Variants in KHDRBS2 observed in about 807,000 individuals in gnomAD.
KHDRBS2 encodes the protein KH domain-containing, RNA-binding, signal transduction-associated protein 2.
A neutral mutation model predicts 44.3 loss-of-function variants in KHDRBS2; 26 were observed. The observed-to-expected ratio is 0.59, with a 90% CI of 0.43 to 0.81. The LOEUF is 0.81. KHDRBS2 is among the 40% of genes least tolerant of loss of function. The pLI, the probability that KHDRBS2 is intolerant of heterozygous loss-of-function variation, is 0.00. For synonymous variants in KHDRBS2, 194 were observed against 151.1 expected (o/e 1.28, Z -2.08); for missense variants, 476 against 433.1 (o/e 1.10, Z -0.88).
At chr6:61,888,562 T>A (rs1014986660) in intron 6 of KHDRBS2, among the ~76,000 whole-genome samples, 20 of 3,802 alleles carry the variant, frequency 5.3e-3, no homozygotes, top group Non-Finnish European at 0.011. Flanking sequence ...TTCTAATTCC[T>A]TTTTTTTTTT....
At chr6:61,902,360 G>GTTGT (rs572498517) in intron 4 of KHDRBS2, among the ~76,000 whole-genome samples, 210 of 152,258 alleles carry the variant, frequency 1.4e-3, no homozygotes, top group African/African-American at 4.7e-3. Context: ...CAGAGATTCA[G>GTTGT]TCAAAGTCAA....
intron 2 of KHDRBS2, among the ~76,000 whole-genome samples, chr6:62,135,972 A>T (rs1811433642): frequency 6.6e-6 from 1 of 152,020 alleles, no homozygotes. Flanking sequence ...AAATTTAGAG[A>T]TCTAAGGTAT....
At chr6:61,758,722 C>T (rs1684515083) in intron 6 of KHDRBS2, among the ~76,000 whole-genome samples, 1 of 151,894 alleles carries the variant, frequency 6.6e-6, no homozygotes, top group South Asian at 2.1e-4. Flanking sequence ...AAGCAAAATC[C>T]TAATCAACCT....
At chr6:61,724,592 G>A (rs543754772) in intron 7 of KHDRBS2, among the ~76,000 whole-genome samples, 16 of 152,210 alleles carry the variant, frequency 1.1e-4, no homozygotes, top group South Asian at 8.3e-4. Context: ...ACACACATAG[G>A]CTCAAAATAA....
chr6:62,209,103 C>G (rs1828567995), intron 1 of KHDRBS2, among the ~76,000 whole-genome samples: 1 of 152,110 alleles, frequency 6.6e-6, no homozygotes, highest in Admixed American at 6.5e-5. Flanking sequence ...AGCCACATAT[C>G]TGATAAAGGT....
At chr6:61,795,866 A>G (rs1161950044) in intron 6 of KHDRBS2, among the ~76,000 whole-genome samples, 1 of 152,164 alleles carries the variant, frequency 6.6e-6, no homozygotes, top group Non-Finnish European at 1.5e-5. Context: ...CTGAAATAAT[A>G]AGAGTTATAT....
chr6:61,775,514 C>T (rs1781807261), intron 6 of KHDRBS2, among the ~76,000 whole-genome samples: 1 of 151,952 alleles, frequency 6.6e-6, no homozygotes, highest in African/African-American at 2.4e-5. Context: ...AAACAGAGAG[C>T]CAAATCATGA....
the KHDRBS2 span, among the ~76,000 whole-genome samples, chr6:61,585,028 C>T: frequency 6.6e-6 from 1 of 151,594 alleles, no homozygotes; most frequent in Non-Finnish European, 1.5e-5. Flanking sequence ...TTCTTGTATT[C>T]CTTTCATGGA....
the KHDRBS2 span, among the ~76,000 whole-genome samples, chr6:61,559,697 T>C: frequency 6.6e-5 from 10 of 152,158 alleles, no homozygotes; most frequent in Non-Finnish European, 1.3e-4. Flanking sequence ...AATAGACAAC[T>C]TATAAAAACT....
At chr6:61,577,677 C>T in the KHDRBS2 span, among the ~76,000 whole-genome samples, 1 of 152,026 alleles carries the variant, frequency 6.6e-6, no homozygotes, top group South Asian at 2.1e-4. Flanking sequence ...ATACTAATAA[C>T]TGAAATGTTC....
chr6:61,834,139 T>G (rs1348412012), intron 6 of KHDRBS2, among the ~76,000 whole-genome samples: 1 of 152,036 alleles, frequency 6.6e-6, no homozygotes. Flanking sequence ...GTTTTACTCT[T>G]TAAATCATAC....
chr6:61,714,774 T>C (rs1401822621), intron 7 of KHDRBS2, among the ~76,000 whole-genome samples: 1 of 151,892 alleles, frequency 6.6e-6, no homozygotes, highest in South Asian at 2.1e-4. Context: ...GAGGCTACTA[T>C]CTTAAGTGAA....
At chr6:61,713,255 C>T (rs943326028) in intron 7 of KHDRBS2, among the ~76,000 whole-genome samples, 2 of 151,490 alleles carry the variant, frequency 1.3e-5, no homozygotes, top group Admixed American at 6.6e-5. Context: ...GTTTCTAGCA[C>T]CTAGCAAAAT....
At chr6:62,042,687 T>C (rs1441688775) in intron 3 of KHDRBS2, among the ~76,000 whole-genome samples, 1 of 152,090 alleles carries the variant, frequency 6.6e-6, no homozygotes, top group East Asian at 1.9e-4. Context: ...CCACATCTCT[T>C]TGAAGGTTTT....
At chr6:61,957,782 T>C (rs1280242212) in intron 4 of KHDRBS2, among the ~76,000 whole-genome samples, 1 of 152,176 alleles carries the variant, frequency 6.6e-6, no homozygotes, top group Non-Finnish European at 1.5e-5. Flanking sequence ...TTGTGAGACA[T>C]GTGATCTCTG....
At chr6:61,831,591 C>T (rs914515125) in intron 6 of KHDRBS2, among the ~76,000 whole-genome samples, 2 of 151,964 alleles carry the variant, frequency 1.3e-5, no homozygotes, top group East Asian at 3.9e-4. Context: ...CATAGTATAA[C>T]CCAATTAAAA....
intron 1 of KHDRBS2, among the ~76,000 whole-genome samples, chr6:62,247,568 C>T (rs1416902947): frequency 6.6e-6 from 1 of 151,876 alleles, no homozygotes; most frequent in Non-Finnish European, 1.5e-5. Flanking sequence ...AAAATGTAGG[C>T]TTTTGAGGCC....
At chr6:61,701,311 T>A (rs1768621212) in intron 7 of KHDRBS2, among the ~76,000 whole-genome samples, 3 of 152,018 alleles carry the variant, frequency 2.0e-5, no homozygotes, top group Non-Finnish European at 4.4e-5. Context: ...TTCTGATTTC[T>A]GTGTTAGTTC....
chr6:62,018,122 G>C (rs557221005), intron 3 of KHDRBS2, among the ~76,000 whole-genome samples: 1 of 150,346 alleles, frequency 6.7e-6, no homozygotes, highest in East Asian at 2.0e-4. Context: ...ACATATTACC[G>C]TTACCATTTC....
Sources: gnomAD v4.1 joint callset for allele counts (sites outside exome capture counted in the v4.1 genomes callset) on GRCh38, gnomAD v4.1.1 for gene constraint, MANE v1.5 for transcripts, NCBI Gene and HGNC (gene_info 2026-07-23, HGNC 2026-07-21) for gene names.